MTA1: variants seen among roughly 807,000 people sequenced by gnomAD.
The protein encoded by MTA1 is metastasis associated 1, also known as metastasis-associated protein MTA1.
MTA1 carries 15 observed loss-of-function variants against 97.0 expected under a neutral mutation model. That is an observed-to-expected ratio of 0.15 (90% CI 0.10 to 0.24). MTA1 has a LOEUF of 0.24. Among genes scored for constraint, MTA1 ranks in the 10% least tolerant of loss-of-function variants. The pLI is 1.00. For missense variants in MTA1, 709 were observed against 1,015.1 expected, an observed-to-expected ratio of 0.70 and a Z score of 4.10; for synonymous variants, 435 against 417.5, an observed-to-expected ratio of 1.04 and a Z score of -0.51.
chr14:105,450,042 G>A lies in MTA1; in HGVS notation c.242-16G>A. On this transcript the variant is annotated splice_polypyrimidine_tract_variant and intron_variant, in intron 4 of 20. Transcript: ENST00000331320. ...TGCGTCTGCCGCGGTGCTGACAGGG[G>A]CTCCTTGTCCTTCAGGGGAAATAGA... 1 of 1,613,424 alleles carries A rather than the reference G, an allele frequency of 6.2e-7. No individual in the cohort carries two copies. The highest frequency in any genetic ancestry group is 8.5e-7 in the Non-Finnish European group (1 of 1,179,842).
chr14:105,465,058 G>A, intron 15 of MTA1, 36 bp from the exon 16 acceptor site: 1 of 1,481,386 alleles, frequency 6.8e-7, no homozygotes. Context: ...CTCCCCTGGG[G>A]GTGCCCCACC....
chr14:105,428,920 T>G (rs1555422800), intron 1 of MTA1, among the ~76,000 whole-genome samples: 3 of 152,074 alleles, frequency 2.0e-5, no homozygotes, highest in South Asian at 4.2e-4. Flanking sequence ...AGATGGGGTC[T>G]CACTATGTTG....
In MTA1 at chr14:105,466,457, C is replaced by T. The variant is rs1167963099; in HGVS notation, c.1656C>T (p.Pro552=). The part of the protein sequence containing the change: ...ETHPRPPKPD[P]VKSVSSVLSS... ...ACCCCCGCCCCCCCAAGCCTGACCC[C>T]GTGAAAAGCGTGTCCAGCGTGCTCA... Residue 552 remains proline (P), a synonymous_variant, in exon 17 of 21, where the codon CCC becomes CCT. Transcript: ENST00000331320. The T allele has an allele frequency of 2.5e-6, 4 of 1,603,596 alleles. No homozygotes were observed. The highest frequency in any genetic ancestry group is 2.3e-5 in the East Asian group (1 of 44,328).
At chr14:105,466,795 G>C in intron 18 of MTA1, 53 bp downstream of exon 18, 1 of 1,538,724 alleles carries the variant, frequency 6.5e-7, no homozygotes. Flanking sequence ...CGTGATGCCT[G>C]TGCTGTGCTG....
chr14:105,429,627 A>AT (rs1441691358), intron 1 of MTA1, among the ~76,000 whole-genome samples: 1 of 144,080 alleles, frequency 6.9e-6, no homozygotes, highest in Admixed American at 7.0e-5. Context: ...AATTTTTTGT[A>AT]TTTTTTTAGT....
At chr14:105,452,556 T>TA (rs1261604076) in intron 6 of MTA1, among the ~76,000 whole-genome samples, 1 of 152,184 alleles carries the variant, frequency 6.6e-6, no homozygotes, top group Non-Finnish European at 1.5e-5. Flanking sequence ...GGTGCACACT[T>TA]ACTGTTGTCC....
chr14:105,456,835 C>G (rs1164834149), intron 7 of MTA1, among the ~76,000 whole-genome samples: 1 of 152,222 alleles, frequency 6.6e-6, no homozygotes, highest in Non-Finnish European at 1.5e-5. Flanking sequence ...CCCAGCCCGC[C>G]TTGCTGGTTC....
At chr14:105,466,635 G>A (rs900042859) in intron 17 of MTA1, 57 bp downstream of exon 17, 104 of 1,580,158 alleles carry the variant, frequency 6.6e-5, no homozygotes, top group Admixed American at 2.3e-4. Flanking sequence ...AGTCCGGCCC[G>A]TCCCCGCCCG....
intron 2 of MTA1, among the ~76,000 whole-genome samples, chr14:105,441,144 TG>T (rs2082497774): frequency 6.6e-6 from 1 of 152,138 alleles, no homozygotes; most frequent in Non-Finnish European, 1.5e-5. Context: ...AGCCCTTCCC[TG>T]GGCTGGAGCA....
In MTA1 at chr14:105,464,127, G is replaced by T. The variant is rs782787159; in HGVS notation, c.1172G>T (p.Arg391Leu). Residue 391 changes from arginine (R) to leucine (L), a missense_variant, in exon 13 of 21, where the codon CGG becomes CTG. This residue lies in a region of MTA1 where 321 missense variants were observed against 593.5 expected (regional missense o/e 0.54). Coordinates refer to ENST00000331320, the MANE Select transcript of MTA1 (RefSeq NM_004689.4). ...CCGGGCCAGAGCCCTGGGGCTGGCCGGGCCTGCGAGAGCTGTTACAGTAAG... is the reference window on the plus strand; with the variant it reads ...CCGGGCCAGAGCCCTGGGGCTGGCCTGGCCTGCGAGAGCTGTTACAGTAAG... Reference protein sequence around the residue: ...GAPGQSPGAGRACESCYTTQS... With the variant: ...GAPGQSPGAGLACESCYTTQS... 1 of 1,610,552 alleles carries T rather than the reference G, an allele frequency of 6.2e-7. No homozygotes were observed. The highest frequency in any genetic ancestry group is 8.5e-7 in the Non-Finnish European group (1 of 1,179,234).
At position 105,422,181 on chromosome 14, in the gene MTA1, C is replaced by CT. The variant is rs2081861567; in HGVS notation, c.28+2119dup. ...CAGGTGAGACTGTAGGCCTCCCCCT[C>CT]TCTACTCTGACTGTCCCTATAGGAG... On this transcript the variant is annotated intron_variant, in intron 1 of 20. Coordinates refer to ENST00000331320, the MANE Select transcript of MTA1 (RefSeq NM_004689.4). This position sits in a 1 kb window ranked among gnomAD's most constrained non-coding sequence, Gnocchi z 4.3. 6.6e-6 allele frequency among the ~76,000 whole-genome samples: 1 copy of CT among 152,222 alleles called. No individual in the cohort carries two copies. The highest frequency in any genetic ancestry group is 1.9e-4 in the East Asian group (1 of 5,194).
chr14:105,442,937 G>A (rs782030166), intron 2 of MTA1, among the ~76,000 whole-genome samples: 7 of 152,252 alleles, frequency 4.6e-5, no homozygotes, highest in African/African-American at 1.2e-4. Context: ...GGCCTGAGGC[G>A]CTGAGCTGGT....
Position 105,463,934 on chromosome 14 carries a change from C to A in MTA1, c.1077-98C>A. The stretch of plus-strand genomic sequence containing the variant: ...GGCCGAGGGGTGCGAGGACGTGGTT[C>A]TGGACAAGGGGTGGTCAGCCGCGGT... On this transcript the variant is annotated intron_variant, in intron 12 of 20. Transcript: ENST00000331320. The surrounding 1 kb of genome is among the most constrained non-coding windows in gnomAD (Gnocchi z 5.9). The A allele has an allele frequency of 8.7e-7, 1 of 1,153,372 alleles. No homozygotes were observed. The highest frequency in any genetic ancestry group is 1.3e-6 in the Non-Finnish European group (1 of 768,956). 71.4% of individuals were successfully genotyped at this position (1,153,372 alleles called of 1,614,324 possible).
chr14:105,466,587 C>T lies in MTA1; in HGVS notation c.1777+9C>T, dbSNP rs1555432915. On this transcript the variant is annotated intron_variant, in intron 17 of 20. Coordinates refer to ENST00000331320, the MANE Select transcript of MTA1 (RefSeq NM_004689.4). ...GCACAACGGGGTGGACGGTGAGTGG[C>T]CCCCCCGCCCGGTGAGTGTGGCCCT... is the stretch of plus-strand genomic sequence containing the variant. 5.8e-6 allele frequency: 9 copies of T among 1,558,758 alleles called. No homozygotes were observed. In the Admixed American group the frequency reaches 7.4e-5, roughly 13 times the overall value.
At chr14:105,455,481 G>GC (rs1555429684) in intron 7 of MTA1, among the ~76,000 whole-genome samples, 2 of 152,236 alleles carry the variant, frequency 1.3e-5, no homozygotes, top group East Asian at 3.9e-4. Flanking sequence ...GCAGGGCTCT[G>GC]CCCCCGAGGG....
rs782656922 is a variant in MTA1, at chr14:105,470,243, C to T, written c.*28C>T. ...GCCGCCCCCACCTGCGGCCGCCCCC[C>T]GCCCCTCGCCCGCCCACACGGCCCC... On this transcript the variant is annotated 3_prime_UTR_variant, in exon 21 of 21. Transcript: ENST00000331320. The T allele has an allele frequency of 9.9e-5, 143 of 1,451,194 alleles. 1 individual carries two copies. Among genetic ancestry groups the T allele is most frequent in the East Asian group, 8.1e-5 (3 of 36,882 alleles). The allele number at this position is 1,451,194 out of a possible 1,614,324, so 89.9% of individuals were successfully genotyped here. A position where few individuals can be genotyped will look rare whatever the true frequency, so the allele number is the denominator to read the frequency against.
At chr14:105,466,925 C>G in intron 18 of MTA1, 183 bp downstream of exon 18, 1 of 646,552 alleles carries the variant, frequency 1.5e-6, no homozygotes, top group Non-Finnish European at 2.6e-6. Context: ...GAAGACCCCC[C>G]GAGCCCAGGC....
intron 3 of MTA1, 177 bp downstream of exon 3, chr14:105,445,688 C>G: frequency 1.4e-6 from 1 of 737,200 alleles, no homozygotes; most frequent in East Asian, 2.7e-5. Context: ...GTCCTGGCTC[C>G]GTTTCCTCGG....
intron 6 of MTA1, among the ~76,000 whole-genome samples, chr14:105,451,783 GTTTT>G (rs869240296): frequency 1.3e-4 from 4 of 31,396 alleles, no homozygotes; most frequent in African/African-American, 2.1e-4. Flanking sequence ...TTCTTTTTTT[GTTTT>G]TTTTTTTTTT....
Sources: gnomAD v4.1 joint callset for allele counts (sites outside exome capture counted in the v4.1 genomes callset) on GRCh38, gnomAD v4.1.1 for gene constraint, gnomAD v4.1.1 regional missense constraint, Gnocchi (gnomAD v3.1) non-coding constraint, MANE v1.5 for transcripts, NCBI Gene and HGNC (gene_info 2026-07-23, HGNC 2026-07-21) for gene names.